EBF1: variants seen among roughly 807,000 people sequenced by gnomAD.
The protein encoded by EBF1 is EBF transcription factor 1.
A neutral mutation model predicts 68.4 loss-of-function variants in EBF1; 10 were observed. That is an observed-to-expected ratio of 0.15 (90% CI 0.09 to 0.25). The LOEUF (loss-of-function observed/expected upper bound fraction) is 0.25, where lower values mean the gene tolerates loss of function less well. Ranked by LOEUF, EBF1 falls within the 10% of genes least tolerant of loss-of-function variation. The pLI is 1.00. For synonymous variants in EBF1, 298 were observed against 299.8 expected, an observed-to-expected ratio of 0.99 and a Z score of 0.06; for missense variants, 509 against 794.4, an observed-to-expected ratio of 0.64 and a Z score of 4.32.
intron 11 of EBF1, among the ~76,000 whole-genome samples, chr5:158,730,238 G>C (rs1041407691): frequency 5.9e-5 from 9 of 152,122 alleles, no homozygotes; most frequent in Non-Finnish European, 1.2e-4. Context: ...AACTTCCTTC[G>C]CATTTAACTG....
At chr5:158,969,916 G>A (rs867511307) in intron 6 of EBF1, among the ~76,000 whole-genome samples, 151 of 80,028 alleles carry the variant, frequency 1.9e-3, no homozygotes, top group East Asian at 0.012. Flanking sequence ...AAGAAAGAAA[G>A]AAAAAAAAAA....
At chr5:158,969,903 AGAAAGAAAGAAAG>A (rs1561663471) in intron 6 of EBF1, among the ~76,000 whole-genome samples, 60 of 118,476 alleles carry the variant, frequency 5.1e-4, no homozygotes, top group Admixed American at 1.7e-3. Context: ...AAAGAAAGAA[AGAAAGAAAGAAAG>A]AAAAAAAAAA....
intron 10 of EBF1, among the ~76,000 whole-genome samples, chr5:158,771,189 T>TG (rs1443932103): frequency 6.6e-6 from 1 of 152,158 alleles, no homozygotes; most frequent in Non-Finnish European, 1.5e-5. Context: ...TCTTTGGATT[T>TG]TCAAAAATAT....
chr5:158,739,964 G>A (rs1022175216), intron 10 of EBF1, among the ~76,000 whole-genome samples: 6 of 152,134 alleles, frequency 3.9e-5, no homozygotes, highest in Non-Finnish European at 8.8e-5. Flanking sequence ...AACACATCTT[G>A]TTTTCAATCA....
rs183910886 is a variant in EBF1, at chr5:159,038,808, C to A, written c.554+34588G>T. The stretch of plus-strand genomic sequence containing the variant: ...AAGTCTCAGAAATTCCACCCTAACT[C>A]TTCCCAGGAGGGCTAATGGGATGGG... On this transcript the variant is annotated intron_variant, in intron 6 of 15. Transcript: ENST00000313708. Among the ~76,000 whole-genome samples, 532 of 152,290 alleles carry A rather than the reference C, an allele frequency of 3.5e-3. 3 individuals carry two copies. The highest frequency in any genetic ancestry group is 0.012 in the African/African-American group (507 of 41,562).
Position 158,725,638 on chromosome 5 carries a change from A to T in EBF1, c.1125+5431T>A, listed in dbSNP as rs116715814. ...AGTTAAAATGAATGCAGTTCATTTCACAAGTTTCCCATATGGACTCTTAGT... is the reference window on the plus strand; with the variant it reads ...AGTTAAAATGAATGCAGTTCATTTCTCAAGTTTCCCATATGGACTCTTAGT... On this transcript the variant is annotated intron_variant, in intron 11 of 15. Coordinates refer to ENST00000313708, the MANE Select transcript of EBF1 (RefSeq NM_024007.5). Among the ~76,000 whole-genome samples the T allele has an allele frequency of 5.6e-3, 858 of 152,358 alleles. 1 individual carries two copies. The highest frequency in any genetic ancestry group is 0.012 in the Admixed American group (180 of 15,302).
At chr5:158,907,924 T>C (rs187107524) in intron 6 of EBF1, among the ~76,000 whole-genome samples, 50 of 152,144 alleles carry the variant, frequency 3.3e-4, no homozygotes, top group African/African-American at 1.1e-3. Context: ...ATGAGTTAAG[T>C]AATCGAGAAA....
chr5:158,775,635 T>TG (rs1021316160), intron 10 of EBF1, among the ~76,000 whole-genome samples: 2 of 151,944 alleles, frequency 1.3e-5, no homozygotes, highest in African/African-American at 2.4e-5. Context: ...CCGAGTTCAG[T>TG]GGGGGAACAT....
intron 10 of EBF1, among the ~76,000 whole-genome samples, chr5:158,767,340 G>C (rs532379234): frequency 1.3e-5 from 2 of 152,188 alleles, no homozygotes; most frequent in South Asian, 4.2e-4. Flanking sequence ...AATACTTAAG[G>C]CTCCAGTTCC....
chr5:158,790,536 G>A (rs1194197598), intron 9 of EBF1, among the ~76,000 whole-genome samples: 1 of 152,114 alleles, frequency 6.6e-6, no homozygotes, highest in Admixed American at 6.5e-5. Flanking sequence ...CAAAAGTTTG[G>A]GACATGCTGA....
intron 6 of EBF1, among the ~76,000 whole-genome samples, chr5:159,025,606 C>T (rs1160565032): frequency 6.6e-6 from 1 of 152,222 alleles, no homozygotes; most frequent in African/African-American, 2.4e-5. Flanking sequence ...CATCACTCTG[C>T]AACATTCACT....
chr5:158,712,881 A>AT (rs1052823490), intron 13 of EBF1, 89 bp downstream of exon 13: 2 of 1,283,530 alleles, frequency 1.6e-6, no homozygotes, highest in South Asian at 2.3e-5. Context: ...GATGAAAATA[A>AT]TTTTTTAATG....
chr5:159,016,458 A>G (rs1331344955), intron 6 of EBF1, among the ~76,000 whole-genome samples: 1 of 152,252 alleles, frequency 6.6e-6, no homozygotes, highest in Non-Finnish European at 1.5e-5. Flanking sequence ...TGTGGGCCTC[A>G]ATTTAACTCA....
chr5:158,902,445 A>G (rs1274382148), intron 6 of EBF1, among the ~76,000 whole-genome samples: 2 of 149,062 alleles, frequency 1.3e-5, no homozygotes, highest in Non-Finnish European at 3.0e-5. Flanking sequence ...TTCTAGAAAT[A>G]GGATCTTGCT....
chr5:159,011,858 C>T (rs755534085), intron 6 of EBF1, among the ~76,000 whole-genome samples: 2 of 152,222 alleles, frequency 1.3e-5, no homozygotes, highest in Non-Finnish European at 2.9e-5. Context: ...ATAAATCTTG[C>T]GCTTTAATGT....
At chr5:158,931,136 A>G (rs1026380790) in intron 6 of EBF1, among the ~76,000 whole-genome samples, 3 of 152,216 alleles carry the variant, frequency 2.0e-5, no homozygotes, top group Non-Finnish European at 4.4e-5. Context: ...AGCCAACAGT[A>G]ATTATTTCCC....
intron 6 of EBF1, among the ~76,000 whole-genome samples, chr5:158,993,165 G>T (rs945441604): frequency 6.6e-6 from 1 of 151,646 alleles, no homozygotes; most frequent in African/African-American, 2.4e-5. Context: ...TCCTGCCTTA[G>T]CCTTCCAAGT....
chr5:158,828,288 C>T (rs542972207), intron 7 of EBF1, among the ~76,000 whole-genome samples: 1 of 152,226 alleles, frequency 6.6e-6, no homozygotes, highest in Non-Finnish European at 1.5e-5. Flanking sequence ...TTGTTCCTCC[C>T]CCAGAAATTC....
chr5:158,842,298 G>A (rs536149199), intron 6 of EBF1, among the ~76,000 whole-genome samples: 2 of 152,326 alleles, frequency 1.3e-5, no homozygotes, highest in South Asian at 4.1e-4. Flanking sequence ...CAGTGGAGCT[G>A]ACTGTTGTGA....
Sources: gnomAD v4.1 joint callset for allele counts (sites outside exome capture counted in the v4.1 genomes callset) on GRCh38, gnomAD v4.1.1 for gene constraint, MANE v1.5 for transcripts, NCBI Gene and HGNC (gene_info 2026-07-23, HGNC 2026-07-21) for gene names.